PEX11B: variants seen among roughly 807,000 people sequenced by gnomAD.
PEX11B encodes peroxisomal biogenesis factor 11 beta, also known as peroxisomal membrane protein 11B.
A neutral mutation model predicts 28.2 loss-of-function variants in PEX11B; 18 were observed. The ratio of observed to expected loss-of-function variants is 0.64; its 90% CI spans 0.44 to 0.95. The LOEUF is 0.95. PEX11B is among the 40% of genes least tolerant of loss of function. PEX11B has a pLI of 0.00. For synonymous variants in PEX11B, 128 were observed against 128.7 expected, an observed-to-expected ratio of 0.99 and a Z score of 0.04; for missense variants, 305 against 319.8, an observed-to-expected ratio of 0.95 and a Z score of 0.35.
At chr1:145,918,307 G>A (rs916329480) in intron 1 of PEX11B, 9 of 1,482,042 alleles carry the variant, frequency 6.1e-6, no homozygotes, top group Non-Finnish European at 7.2e-6. Context: ...CAGCTCTGGG[G>A]GCAGAGTCTG....
chr1:145,916,572 A>G (rs1249942966), intron 3 of PEX11B, among the ~76,000 whole-genome samples: 6 of 152,220 alleles, frequency 3.9e-5, no homozygotes, highest in African/African-American at 1.2e-4. Context: ...ATAGAAGCAC[A>G]ATTAAAGTGA....
In PEX11B at chr1:145,911,970, T is replaced by G; in HGVS notation, c.*191A>C. ...CAGAAGCTCAGGCACATCTAGAAAT[T>G]AGAGACATCCTATTAACTTCACGAG... On this transcript the variant is annotated 3_prime_UTR_variant, in exon 4 of 4. Coordinates refer to ENST00000369306, the MANE Select transcript of PEX11B (RefSeq NM_003846.3). 1 of 439,148 alleles carries G rather than the reference T, an allele frequency of 2.3e-6. No homozygotes were observed. Among genetic ancestry groups the G allele is most frequent in the Non-Finnish European group, 4.0e-6 (1 of 249,998 alleles). 27.2% of individuals were successfully genotyped at this position (439,148 alleles called of 1,614,324 possible).
At position 145,911,920 on chromosome 1, in the gene PEX11B, G is replaced by A; in HGVS notation, c.*241C>T. On this transcript the variant is annotated 3_prime_UTR_variant, in exon 4 of 4. Coordinates refer to ENST00000369306, the MANE Select transcript of PEX11B (RefSeq NM_003846.3). ...AGACACAAAGTAAATATATTCAAGA[G>A]AGACACAAAGAAAGAGGAAAAGAAC... The A allele has an allele frequency of 5.5e-6, 2 of 366,360 alleles. No homozygotes were observed. The highest frequency in any genetic ancestry group is 9.8e-6 in the Non-Finnish European group (2 of 204,934). The allele number at this position is 366,360 out of a possible 1,614,324, so 22.7% of individuals were successfully genotyped here.
At position 145,917,731 on chromosome 1, in the gene PEX11B, G is replaced by C. The variant is rs782032329; in HGVS notation, c.142C>G (p.Leu48Val). The C allele has an allele frequency of 2.3e-5, 37 of 1,610,330 alleles. No individual in the cohort carries two copies. Among genetic ancestry groups the C allele is most frequent in the Non-Finnish European group, 3.1e-5 (36 of 1,176,562 alleles). The change falls in exon 2 of 4, where the codon CTG (leucine) becomes GTG (valine). Residue 48 changes from leucine to valine, a missense_variant. Coordinates refer to ENST00000369306, the MANE Select transcript of PEX11B (RefSeq NM_003846.3). ...SPELQKQIRQ[L>V]ESHLSLGRKL... ...CTTCCAAGGCTCAGGTGGCTCTCCA[G>C]TTGTCGAATCTGTTTCTGTAACTCA...
chr1:145,916,790 AT>A (rs59239635), intron 3 of PEX11B, 26 bp downstream of exon 3: 1 of 1,563,680 alleles, frequency 6.4e-7, no homozygotes, highest in East Asian at 2.2e-5. Flanking sequence ...ACAAAAAAAA[AT>A]CTTAAAGGAG....
At chr1:145,913,921 C>T (rs929131391) in intron 3 of PEX11B, among the ~76,000 whole-genome samples, 3 of 152,132 alleles carry the variant, frequency 2.0e-5, no homozygotes, top group East Asian at 1.9e-4. Context: ...TCTATCACAC[C>T]GCACTGCCAT....
In PEX11B at chr1:145,913,592, A is replaced by AACACAC. The variant is rs56031424; in HGVS notation, c.375-1032_375-1027dup. 7.5e-3 allele frequency among the ~76,000 whole-genome samples: 1,076 copies of AACACAC among 142,780 alleles called. 7 individuals carry two copies. Among genetic ancestry groups the AACACAC allele is most frequent in the East Asian group, 0.024 (118 of 4,850 alleles). 93.7% of individuals were successfully genotyped at this position (142,780 alleles called of 152,430 possible). On this transcript the variant is annotated intron_variant, in intron 3 of 3. Coordinates refer to ENST00000369306, the MANE Select transcript of PEX11B (RefSeq NM_003846.3). Reference sequence around the variant, plus strand: ...TCTCAAATTTCATTTTCCACTTGGCAACACACACACACACACACACACACA... The same window carrying AACACAC: ...TCTCAAATTTCATTTTCCACTTGGCAACACACACACACACACACACACACACACACA...
chr1:145,917,184 A>G (rs1553754057), intron 2 of PEX11B, among the ~76,000 whole-genome samples, 166 bp from the exon 3 acceptor site: 1 of 152,158 alleles, frequency 6.6e-6, no homozygotes, highest in African/African-American at 2.4e-5. Flanking sequence ...TAATCCCAAC[A>G]TTTTGGGAGG....
chr1:145,913,620 C>A (rs1657902870), intron 3 of PEX11B, among the ~76,000 whole-genome samples: 1 of 147,410 alleles, frequency 6.8e-6, no homozygotes, highest in African/African-American at 2.7e-5. Flanking sequence ...CACACACACA[C>A]ACACACACTC....
intron 3 of PEX11B, among the ~76,000 whole-genome samples, chr1:145,915,112 A>G (rs1376905064): frequency 5.9e-5 from 9 of 152,160 alleles, no homozygotes; most frequent in African/African-American, 2.2e-4. Flanking sequence ...CATGCCGGTC[A>G]GGCTGGTCTC....
chr1:145,912,601 G>A (rs1226143760), intron 3 of PEX11B, 35 bp from the exon 4 acceptor site: 1 of 1,359,458 alleles, frequency 7.4e-7, no homozygotes, highest in Middle Eastern at 1.9e-4. Context: ...GTAAGGGCAT[G>A]TATACCTACT....
In PEX11B at chr1:145,912,418, C is replaced by G; in HGVS notation, c.523G>C (p.Gly175Arg). The G allele has an allele frequency of 6.3e-7, 1 of 1,579,478 alleles. No homozygotes were observed. Residue 175 changes from glycine to arginine, a missense_variant, in exon 4 of 4, where the codon GGA (glycine) becomes CGA (arginine). By Grantham distance (125) the Gly-to-Arg change is moderately radical (BLOSUM62 -2). Transcript: ENST00000369306. ...AGACCTCCTCCTGGAGTCCCTGGTCCCCCAAGTCCCCCAGTTTCACTTCCT... is the reference window on the plus strand; with the variant it reads ...AGACCTCCTCCTGGAGTCCCTGGTCGCCCAAGTCCCCCAGTTTCACTTCCT... ...PGGSETGGLG[G>R]PGTPGGGLPQ...
Position 145,912,090 on chromosome 1 carries a change from C to A in PEX11B, c.*71G>T, listed in dbSNP as rs914960726. The A allele has an allele frequency of 5.7e-6, 7 of 1,222,480 alleles. No individual in the cohort carries two copies. The highest frequency in any genetic ancestry group is 7.8e-6 in the Non-Finnish European group (7 of 898,380). 75.7% of individuals were successfully genotyped at this position (1,222,480 alleles called of 1,614,324 possible). ...ACCAAAGAGTAGAATTCGAATGAGG[C>A]TGGCACATGGGGGACGATCTAAGAT... is the stretch of plus-strand genomic sequence containing the variant. On this transcript the variant is annotated 3_prime_UTR_variant, in exon 4 of 4. Coordinates refer to ENST00000369306, the MANE Select transcript of PEX11B (RefSeq NM_003846.3).
intron 3 of PEX11B, among the ~76,000 whole-genome samples, chr1:145,916,417 AC>A (rs1486188294): frequency 2.0e-5 from 3 of 152,080 alleles, no homozygotes; most frequent in Non-Finnish European, 4.4e-5. Flanking sequence ...GTAGTATCTA[AC>A]TCCCTCACTA....
intron 3 of PEX11B, among the ~76,000 whole-genome samples, chr1:145,913,175 C>T (rs1657884070): frequency 6.6e-6 from 1 of 151,264 alleles, no homozygotes; most frequent in Non-Finnish European, 1.5e-5. Flanking sequence ...TGGGAAGATA[C>T]TGGTCAAAGC....
At chr1:145,918,329 C>A in intron 1 of PEX11B, 6 of 1,508,924 alleles carry the variant, frequency 4.0e-6, no homozygotes, top group South Asian at 3.7e-5. Context: ...GGCTATCCAC[C>A]GTGGGGCGAA....
intron 3 of PEX11B, among the ~76,000 whole-genome samples, chr1:145,915,989 T>C (rs77461223): frequency 2.6e-5 from 4 of 152,302 alleles, no homozygotes; most frequent in Non-Finnish European, 5.9e-5. Flanking sequence ...ATTTGAATCA[T>C]GTCATTTCCC....
Position 145,916,980 on chromosome 1 carries a change from C to A in PEX11B, c.211G>T (p.Ala71Ser), listed in dbSNP as rs782553429. ...TCTGATAGGTGAACAGCTCTTTTGG[C>A]TGACTCAAGGGCATCTGCTGAGTTA... ...LGNSADALES[A>S]KRAVHLSDVV... Residue 71 changes from alanine (A) to serine (S), a missense_variant, in exon 3 of 4, where the codon GCC (alanine) becomes TCC (serine). Ala to Ser is a moderately conservative substitution (Grantham distance 99). Transcript: ENST00000369306. 54 of 1,613,716 alleles carry A rather than the reference C, an allele frequency of 3.3e-5. No individual in the cohort carries two copies. Among genetic ancestry groups the A allele is most frequent in the Non-Finnish European group, 4.6e-5 (54 of 1,179,628 alleles).
Position 145,912,459 on chromosome 1 carries a change from C to G in PEX11B, c.482G>C (p.Gly161Ala), listed in dbSNP as rs1553753295. 2 of 1,527,234 alleles carry G rather than the reference C, an allele frequency of 1.3e-6. No homozygotes were observed. Among genetic ancestry groups the G allele is most frequent in the South Asian group, 2.6e-5 (2 of 75,860 alleles). The allele number at this position is 1,527,234 out of a possible 1,614,324, so 94.6% of individuals were successfully genotyped here. A position where few individuals can be genotyped will look rare whatever the true frequency, so the allele number is the denominator to read the frequency against. The change falls in exon 4 of 4, where the codon GGA becomes GCA. Residue 161 changes from glycine (G) to alanine (A), a missense_variant. Transcript: ENST00000369306. ...TTCACTTCCTCCTGGGACTCCTCCT[C>G]CAGAACCTTTCAGTCGCCGGCTACA... The part of the protein sequence containing the change: ...SACSRRLKGS[G>A]GGVPGGSETG...
Sources: allele counts gnomAD v4.1 joint callset (sites outside exome capture counted in the v4.1 genomes callset), GRCh38; gene constraint gnomAD v4.1.1; transcripts MANE v1.5; gene names NCBI Gene and HGNC (gene_info 2026-07-23, HGNC 2026-07-21).